The following B3GALT1 variants were observed in gnomAD, a reference collection of about 807,000 sequenced individuals.
The protein encoded by B3GALT1 is UDP-Gal:betaGlcNAc beta 1,3-galactosyltransferase, polypeptide 1.
B3GALT1 carries 10 observed loss-of-function variants against 23.2 expected under a neutral mutation model. The ratio of observed to expected loss-of-function variants is 0.43; its 90% CI spans 0.27 to 0.73. The LOEUF is 0.73. Among genes scored for constraint, B3GALT1 ranks in the 30% least tolerant of loss-of-function variants. B3GALT1 has a pLI of 0.21. For synonymous variants in B3GALT1, 156 were observed against 141.5 expected, an observed-to-expected ratio of 1.10 and a Z score of -0.73; for missense variants, 299 against 405.4, an observed-to-expected ratio of 0.74 and a Z score of 2.25.
At chr2:167,639,373 G>T (rs10497326) in intron 2 of B3GALT1, among the ~76,000 whole-genome samples, 1 of 151,584 alleles carries the variant, frequency 6.6e-6, no homozygotes, top group Non-Finnish European at 1.5e-5. Context: ...TTAGTAATGA[G>T]TTTGTATTCT....
intron 1 of B3GALT1, among the ~76,000 whole-genome samples, chr2:167,424,323 C>A (rs184667806): frequency 1.3e-5 from 2 of 152,204 alleles, no homozygotes; most frequent in East Asian, 3.9e-4. Flanking sequence ...TGCCAGAAGA[C>A]CTGGTTGTTA....
intron 2 of B3GALT1, among the ~76,000 whole-genome samples, chr2:167,597,950 A>G (rs940116835): frequency 1.3e-5 from 2 of 152,220 alleles, no homozygotes; most frequent in East Asian, 1.9e-4. Flanking sequence ...ATTAAACCAT[A>G]GATAGACCTG....
chr2:167,564,879 A>G (rs1270716070), intron 2 of B3GALT1, among the ~76,000 whole-genome samples: 3 of 152,230 alleles, frequency 2.0e-5, no homozygotes, highest in African/African-American at 7.2e-5. Context: ...ATGGAAGAAC[A>G]TTCCATGCTC....
intron 1 of B3GALT1, among the ~76,000 whole-genome samples, chr2:167,404,477 G>A (rs1177052189): frequency 6.6e-6 from 1 of 152,156 alleles, no homozygotes; most frequent in East Asian, 1.9e-4. Context: ...TAATTAACAG[G>A]TTGTAGTGTT....
chr2:167,484,698 G>A (rs1253406078), intron 1 of B3GALT1, among the ~76,000 whole-genome samples: 1 of 152,262 alleles, frequency 6.6e-6, no homozygotes, highest in East Asian at 1.9e-4. Context: ...GCTACCCTTA[G>A]AGGCAATAGG....
chr2:167,358,391 G>C (rs1042516571), intron 1 of B3GALT1, among the ~76,000 whole-genome samples: 1 of 152,172 alleles, frequency 6.6e-6, no homozygotes, highest in Non-Finnish European at 1.5e-5. Context: ...ATGGCCTAAT[G>C]GTAAAGCATC....
At chr2:167,296,185 A>G (rs966890174) in intron 1 of B3GALT1, among the ~76,000 whole-genome samples, 5 of 152,238 alleles carry the variant, frequency 3.3e-5, no homozygotes, top group African/African-American at 1.2e-4. Flanking sequence ...CTTGACTTGT[A>G]CAAAATTTTA....
intron 2 of B3GALT1, among the ~76,000 whole-genome samples, chr2:167,517,430 C>T (rs1700113539): frequency 6.6e-6 from 1 of 151,964 alleles, no homozygotes; most frequent in Non-Finnish European, 1.5e-5. Flanking sequence ...AAAAAAATAG[C>T]AACTATTATA....
chr2:167,332,874 C>T (rs151318192), intron 1 of B3GALT1, among the ~76,000 whole-genome samples: 3 of 152,320 alleles, frequency 2.0e-5, no homozygotes, highest in South Asian at 2.1e-4. Flanking sequence ...CTTGGACCCA[C>T]GGTTATAAAG....
chr2:167,607,080 A>T (rs937893071), intron 2 of B3GALT1, among the ~76,000 whole-genome samples: 5 of 152,150 alleles, frequency 3.3e-5, no homozygotes, highest in Non-Finnish European at 5.9e-5. Context: ...AACCCCAAAA[A>T]AGTTAATTAG....
chr2:167,620,235 T>TG (rs1431823194), intron 2 of B3GALT1, among the ~76,000 whole-genome samples: 1 of 152,086 alleles, frequency 6.6e-6, no homozygotes, highest in Non-Finnish European at 1.5e-5. Context: ...AGGGAAAACT[T>TG]GGGATGTCCA....
chr2:167,765,309 CA>C (rs1256621567), intron 3 of B3GALT1, among the ~76,000 whole-genome samples: 7 of 152,156 alleles, frequency 4.6e-5, no homozygotes, highest in Admixed American at 1.3e-4. Flanking sequence ...CAACAATCCA[CA>C]AAATCAGCCA....
chr2:167,801,968 A>G (rs987087192), intron 3 of B3GALT1, among the ~76,000 whole-genome samples: 5 of 152,208 alleles, frequency 3.3e-5, no homozygotes, highest in Non-Finnish European at 7.3e-5. Context: ...GGATCAGCCA[A>G]CTACAATCTC....
At chr2:167,624,228 C>G (rs1629888) in intron 2 of B3GALT1, among the ~76,000 whole-genome samples, 136,562 of 152,106 alleles carry the variant, frequency 0.9, 61,562 homozygotes, top group African/African-American at 0.98. Flanking sequence ...TCACCACCAA[C>G]TTCTTTCTCT....
chr2:167,756,448 G>A (rs1347912520), intron 3 of B3GALT1, among the ~76,000 whole-genome samples: 1 of 152,218 alleles, frequency 6.6e-6, no homozygotes, highest in Non-Finnish European at 1.5e-5. Context: ...TACACTGAGT[G>A]TTGATGGCAA....
intron 1 of B3GALT1, among the ~76,000 whole-genome samples, chr2:167,455,638 A>G (rs1214774119): frequency 2.6e-5 from 4 of 151,976 alleles, no homozygotes; most frequent in Admixed American, 1.3e-4. Flanking sequence ...TCAGCCTCCC[A>G]AGTAGCTGGG....
At chr2:167,513,118 A>G (rs1357817058) in intron 2 of B3GALT1, among the ~76,000 whole-genome samples, 1 of 150,812 alleles carries the variant, frequency 6.6e-6, no homozygotes, top group Non-Finnish European at 1.5e-5. Context: ...CTCTAGATCT[A>G]ACTACTTACA....
At chr2:167,695,228 A>G (rs1222481843) in intron 3 of B3GALT1, among the ~76,000 whole-genome samples, 1 of 152,098 alleles carries the variant, frequency 6.6e-6, no homozygotes, top group Non-Finnish European at 1.5e-5. Flanking sequence ...GACAGGTTCT[A>G]ATTTGTATAT....
chr2:167,819,999 G>A (rs527876735), intron 4 of B3GALT1, among the ~76,000 whole-genome samples: 8 of 152,250 alleles, frequency 5.3e-5, no homozygotes, highest in African/African-American at 7.2e-5. Context: ...GTGGAGCAGC[G>A]TCAGCACACA....
Sources: allele counts gnomAD v4.1 joint callset (sites outside exome capture counted in the v4.1 genomes callset), GRCh38; gene constraint gnomAD v4.1.1; transcripts MANE v1.5; gene names NCBI Gene and HGNC (gene_info 2026-07-23, HGNC 2026-07-21).